SYN3: variants seen among roughly 807,000 people sequenced by gnomAD.
The protein encoded by SYN3 is synapsin III.
A neutral mutation model predicts 65.8 loss-of-function variants in SYN3; 35 were observed. The ratio of observed to expected loss-of-function variants is 0.53; its 90% confidence interval spans 0.41 to 0.70. SYN3 has a LOEUF of 0.70. Among genes scored for constraint, SYN3 ranks in the 30% least tolerant of loss-of-function variants. The pLI is 0.00. For synonymous variants in SYN3, 270 were observed against 292.9 expected (o/e 0.92, Z 0.80); for missense variants, 680 against 749.0 (o/e 0.91, Z 1.08).
At chr22:32,893,332 G>T (rs1192333250) in intron 4 of SYN3, among the ~76,000 whole-genome samples, 1 of 152,188 alleles carries the variant, frequency 6.6e-6, no homozygotes, top group East Asian at 1.9e-4. Flanking sequence ...CACATTCTTT[G>T]CTGTCACGGA....
chr22:32,696,323 A>G (rs551933982), intron 6 of SYN3, among the ~76,000 whole-genome samples: 1 of 152,330 alleles, frequency 6.6e-6, no homozygotes, highest in East Asian at 1.9e-4. Context: ...ACTAAATGCA[A>G]AGGAGTGGCT....
At chr22:32,907,247 C>G (rs183403398) in intron 4 of SYN3, among the ~76,000 whole-genome samples, 51 of 152,286 alleles carry the variant, frequency 3.3e-4, no homozygotes, top group African/African-American at 1.2e-3. Flanking sequence ...GGTACTTTCA[C>G]TAGCCTAGGA....
chr22:32,792,413 T>C (rs2145884663), intron 6 of SYN3, among the ~76,000 whole-genome samples: 1 of 152,314 alleles, frequency 6.6e-6, no homozygotes, highest in Admixed American at 6.5e-5. Context: ...ACAGCTATTT[T>C]ATGTGGTAGG....
At chr22:33,023,489 A>AT (rs889292002) in intron 1 of SYN3, among the ~76,000 whole-genome samples, 4 of 152,150 alleles carry the variant, frequency 2.6e-5, no homozygotes, top group African/African-American at 9.7e-5. Flanking sequence ...TCCTTTATAA[A>AT]TTACACAGTT....
rs140812331 is a variant in SYN3, at chr22:32,904,833, G to A, written c.461+26557C>T. Among the ~76,000 whole-genome samples, 593 of 152,280 alleles carry A rather than the reference G, an allele frequency of 3.9e-3. 2 individuals carry two copies. The highest frequency in any genetic ancestry group is 6.8e-3 in the South Asian group (33 of 4,820). The stretch of plus-strand genomic sequence containing the variant: ...TCTGGTATCATTTGCTCAGCCCTTC[G>A]CAATTGTCCTGGTAGACAATAAAGT... On this transcript the variant is annotated intron_variant, in intron 4 of 13. Coordinates refer to ENST00000358763, the MANE Select transcript of SYN3 (RefSeq NM_003490.4).
intron 2 of SYN3, among the ~76,000 whole-genome samples, chr22:32,996,366 G>A (rs1182461055): frequency 6.6e-6 from 1 of 152,124 alleles, no homozygotes; most frequent in African/African-American, 2.4e-5. Flanking sequence ...AGCTGTGGAG[G>A]AGAGGAACTC....
intron 7 of SYN3, among the ~76,000 whole-genome samples, chr22:32,594,222 G>C (rs950558527): frequency 6.6e-6 from 1 of 152,080 alleles, no homozygotes; most frequent in Admixed American, 6.6e-5. Context: ...GTGGGGCAGG[G>C]GGCCTCCTGT....
intron 2 of SYN3, among the ~76,000 whole-genome samples, chr22:33,000,940 C>A (rs372297378): frequency 6.6e-6 from 1 of 152,002 alleles, no homozygotes; most frequent in Non-Finnish European, 1.5e-5. Context: ...AGGACAGGAC[C>A]GAGACTCTAA....
intron 6 of SYN3, among the ~76,000 whole-genome samples, chr22:32,611,872 G>A (rs1276391339): frequency 6.6e-6 from 1 of 152,128 alleles, no homozygotes; most frequent in African/African-American, 2.4e-5. Context: ...TTCAGGATGG[G>A]GGCTGGTCAC....
chr22:32,551,862 G>A (rs1426071128), intron 7 of SYN3, among the ~76,000 whole-genome samples: 1 of 152,198 alleles, frequency 6.6e-6, no homozygotes, highest in Non-Finnish European at 1.5e-5. Context: ...AAGGACTTGG[G>A]GGAGAGGAAT....
rs146267227 is a variant in SYN3, at chr22:32,777,548, C to T, written c.711+87367G>A. On this transcript the variant is annotated intron_variant, in intron 6 of 13. Coordinates refer to ENST00000358763, the MANE Select transcript of SYN3 (RefSeq NM_003490.4). ...TCTAAACATTCTATCATCAGTTCAT[C>T]ATTTTTGCATCCATCCATCCCTCAT... is the stretch of plus-strand genomic sequence containing the variant. 2.6e-3 allele frequency among the ~76,000 whole-genome samples: 402 copies of T among 152,294 alleles called. 9 individuals are homozygous for T. Among genetic ancestry groups the T allele is most frequent in the Admixed American group, 0.023 (346 of 15,298 alleles).
intron 7 of SYN3, among the ~76,000 whole-genome samples, chr22:32,579,601 C>T (rs1326839621): frequency 2.0e-5 from 3 of 152,194 alleles, no homozygotes; most frequent in Non-Finnish European, 4.4e-5. Flanking sequence ...AAGACACCAA[C>T]ATTCAGACCA....
chr22:32,998,152 C>T (rs1295390351), intron 2 of SYN3, among the ~76,000 whole-genome samples: 2 of 152,140 alleles, frequency 1.3e-5, no homozygotes, highest in African/African-American at 4.8e-5. Context: ...GCATTTCCTA[C>T]GTACCTATTA....
chr22:32,667,367 A>G (rs1198798103), intron 6 of SYN3, among the ~76,000 whole-genome samples: 1 of 151,606 alleles, frequency 6.6e-6, no homozygotes, highest in Non-Finnish European at 1.5e-5. Context: ...GGATCATACT[A>G]TGTATATCAT....
chr22:33,029,723 A>G (rs145055243), intron 1 of SYN3, among the ~76,000 whole-genome samples: 678 of 152,188 alleles, frequency 4.5e-3, no homozygotes, highest in Non-Finnish European at 7.3e-3. Context: ...AGTCCTAACC[A>G]CTAAGCAGCA....
At chr22:32,779,011 A>G (rs1004863082) in intron 6 of SYN3, among the ~76,000 whole-genome samples, 3 of 152,236 alleles carry the variant, frequency 2.0e-5, no homozygotes, top group Non-Finnish European at 2.9e-5. Flanking sequence ...CTCAAGACAG[A>G]CATAGTCCCT....
At chr22:32,917,686 CCA>C (rs1373966864) in intron 4 of SYN3, among the ~76,000 whole-genome samples, 4 of 152,220 alleles carry the variant, frequency 2.6e-5, no homozygotes, top group Non-Finnish European at 4.4e-5. Context: ...TTTCCCATCC[CCA>C]GTTTCTGTGC....
In SYN3 at chr22:32,509,821, G is replaced by A. The variant is rs1165757578; in HGVS notation, c.*3871C>T. Among the ~76,000 whole-genome samples the A allele has an allele frequency of 6.6e-6, 1 of 152,076 alleles. No individual in the cohort carries two copies. Among genetic ancestry groups the A allele is most frequent in the Non-Finnish European group, 1.5e-5 (1 of 68,004 alleles). ...CTGACCTAGTCATCCGCCCACCTCG[G>A]CCTCCCAAAGTGCTGGGATTACTGA... On this transcript the variant is annotated 3_prime_UTR_variant, in exon 14 of 14. Transcript: ENST00000358763.
intron 6 of SYN3, among the ~76,000 whole-genome samples, chr22:32,720,827 G>A (rs571776788): frequency 2.1e-4 from 32 of 152,290 alleles, no homozygotes; most frequent in African/African-American, 6.5e-4. Flanking sequence ...ATGATTGGAA[G>A]ACCCAGAGCT....
Sources: gnomAD v4.1 joint callset for allele counts (sites outside exome capture counted in the v4.1 genomes callset) on GRCh38, gnomAD v4.1.1 for gene constraint, MANE v1.5 for transcripts, NCBI Gene and HGNC (gene_info 2026-07-23, HGNC 2026-07-21) for gene names.